NDUFB6: variants seen among roughly 807,000 people sequenced by gnomAD.
NDUFB6 encodes NADH:ubiquinone oxidoreductase subunit B6.
Under a neutral mutation model 17.5 loss-of-function variants are expected in NDUFB6, and 23 were observed. The ratio of observed to expected loss-of-function variants is 1.31; its 90% CI spans 0.94 to 1.86. NDUFB6 has a LOEUF of 1.86. Ranked by LOEUF, NDUFB6 falls within the 40% of genes most tolerant of loss-of-function variation. NDUFB6 has a pLI of 0.00. For synonymous variants in NDUFB6, 60 were observed against 53.5 expected (o/e 1.12, Z -0.53); for missense variants, 167 against 153.8 (o/e 1.09, Z -0.46).
chr9:32,571,065 A>G lies in NDUFB6; in HGVS notation c.181-13T>C. ...ATACCCCATGGACCTGGGGGGAAAA[A>G]CACATACACAAAATAAACATATCCC... On this transcript the variant is annotated splice_polypyrimidine_tract_variant and intron_variant, in intron 1 of 3. Coordinates refer to ENST00000379847, the MANE Select transcript of NDUFB6 (RefSeq NM_002493.5). 6.5e-7 allele frequency: 1 copy of G among 1,539,104 alleles called. No individual in the cohort carries two copies. Among genetic ancestry groups the G allele is most frequent in the South Asian group, 1.2e-5 (1 of 85,426 alleles).
At chr9:32,564,400 T>C (rs539207657) in intron 2 of NDUFB6, among the ~76,000 whole-genome samples, 16 of 152,246 alleles carry the variant, frequency 1.1e-4, no homozygotes, top group African/African-American at 3.9e-4. Flanking sequence ...AAATAGAAGG[T>C]TTTAGCAACC....
At chr9:32,567,361 G>A (rs935646096) in intron 2 of NDUFB6, 1 of 468,166 alleles carries the variant, frequency 2.1e-6, no homozygotes, top group African/African-American at 2.0e-5. Context: ...TTTTCAGATG[G>A]AGTCTCGCTC....
At chr9:32,567,159 G>A (rs1320797122) in intron 2 of NDUFB6, 1 of 476,428 alleles carries the variant, frequency 2.1e-6, no homozygotes, top group East Asian at 6.8e-5. Flanking sequence ...GGGCCCCGCA[G>A]GCAGTGGCAC....
In NDUFB6 at chr9:32,553,188, G is replaced by T; in HGVS notation, c.*688C>A. ...TCAAGTTTCTAAATTCTTCAAAAAT[G>T]ATTCGGAAAGCTTTTTTTTTTTTTG... is the stretch of plus-strand genomic sequence containing the variant. On this transcript the variant is annotated 3_prime_UTR_variant, in exon 4 of 4. Transcript: ENST00000379847. 1.6e-5 allele frequency: 5 copies of T among 306,688 alleles called. No homozygotes were observed. Among genetic ancestry groups the T allele is most frequent in the East Asian group, 6.5e-5 (1 of 15,308 alleles). The allele number at this position is 306,688 out of a possible 1,614,324, so 19.0% of individuals were successfully genotyped here.
chr9:32,568,731 C>CATAT (rs774854110), intron 2 of NDUFB6: 11,366 of 92,734 alleles, frequency 0.12, 1,036 homozygotes, highest in Non-Finnish European at 0.18. Flanking sequence ...TGTGTGTGTG[C>CATAT]ATATATATAT....
At chr9:32,567,432 G>T (rs1033961458) in intron 2 of NDUFB6, 7 of 456,092 alleles carry the variant, frequency 1.5e-5, no homozygotes, top group East Asian at 6.9e-5. Context: ...AGGTTCAAGG[G>T]ATTCTCCTGC....
At chr9:32,570,480 A>T (rs779909800) in intron 2 of NDUFB6, among the ~76,000 whole-genome samples, 3 of 152,302 alleles carry the variant, frequency 2.0e-5, no homozygotes, top group African/African-American at 7.2e-5. Flanking sequence ...AGCCCATGCA[A>T]GATCTGTATC....
At chr9:32,566,375 C>T (rs1181978715) in intron 2 of NDUFB6, 1 of 1,120,230 alleles carries the variant, frequency 8.9e-7, no homozygotes, top group African/African-American at 1.5e-5. Flanking sequence ...GTTTTTGTTT[C>T]CACTATGTGA....
rs540535452 is a variant in NDUFB6, at chr9:32,565,210, T to A, written c.273+5750A>T. Among the ~76,000 whole-genome samples, 6 of 151,646 alleles carry A rather than the reference T, an allele frequency of 4.0e-5. No individual in the cohort carries two copies. In the East Asian group the frequency reaches 1.2e-3, roughly 30 times the overall value. On this transcript the variant is annotated intron_variant, in intron 2 of 3. Transcript: ENST00000379847. ...TGGTAGGCTGAGGCAGGAGAATCAC[T>A]TGAACCCAGGAGGCAGAGGTCGCAG...
In NDUFB6 at chr9:32,569,202, A is replaced by G. The variant is rs114296496; in HGVS notation, c.273+1758T>C. Among the ~76,000 whole-genome samples the G allele has an allele frequency of 3.2e-3, 485 of 152,186 alleles. 2 individuals are homozygous for G. Among genetic ancestry groups the G allele is most frequent in the African/African-American group, 0.011 (462 of 41,534 alleles). On this transcript the variant is annotated intron_variant, in intron 2 of 3. Transcript: ENST00000379847. ...GCTCAAATGATCATTAGCATTTTTT[A>G]GCAATGAAGTTTTTGTTTTTTTCTT...
rs544185072 is a variant in NDUFB6 at position 32,571,145 on chromosome 9, C to T, written c.181-93G>A. The stretch of plus-strand genomic sequence containing the variant: ...CATCAATGATGTAACAATGCCATGA[C>T]TATTTTACAAAACTCTAAATGGCAC... On this transcript the variant is annotated intron_variant, in intron 1 of 3. Coordinates refer to ENST00000379847, the MANE Select transcript of NDUFB6 (RefSeq NM_002493.5). 8.4e-6 allele frequency: 7 copies of T among 829,888 alleles called. No homozygotes were observed. The East Asian group carries it at 1.9e-4, about 23-fold the overall frequency. 51.4% of individuals were successfully genotyped at this position (829,888 alleles called of 1,614,324 possible).
intron 2 of NDUFB6, chr9:32,568,358 G>C (rs1398088630): frequency 8.6e-6 from 2 of 231,232 alleles, no homozygotes; most frequent in Non-Finnish European, 1.8e-5. Context: ...AAGCTTGATA[G>C]ATGAGAAGGT....
chr9:32,556,181 T>G (rs1236330659), intron 3 of NDUFB6, among the ~76,000 whole-genome samples: 1 of 152,250 alleles, frequency 6.6e-6, no homozygotes, highest in Non-Finnish European at 1.5e-5. Context: ...AGCCAAGAGC[T>G]GTTTGGTGAC....
At chr9:32,558,797 T>C in intron 3 of NDUFB6, 113 bp downstream of exon 3, 1 of 718,756 alleles carries the variant, frequency 1.4e-6, no homozygotes, top group Non-Finnish European at 2.2e-6. Flanking sequence ...AACAGGGACT[T>C]AAACCGAAAG....
chr9:32,569,966 A>G (rs1821903334), intron 2 of NDUFB6, among the ~76,000 whole-genome samples: 1 of 152,228 alleles, frequency 6.6e-6, no homozygotes. Flanking sequence ...CTAGAACCAA[A>G]GAATACTTTT....
chr9:32,568,746 A>ATTT (rs1184095044), intron 2 of NDUFB6: 5 of 120,654 alleles, frequency 4.1e-5, no homozygotes, highest in African/African-American at 1.8e-4. Flanking sequence ...ATATATATAT[A>ATTT]TATTTTTTTT....
At chr9:32,562,136 T>G (rs1050703568) in intron 2 of NDUFB6, among the ~76,000 whole-genome samples, 7 of 152,212 alleles carry the variant, frequency 4.6e-5, no homozygotes, top group Non-Finnish European at 1.0e-4. Flanking sequence ...TACGGCCACG[T>G]TCATTACTGA....
Position 32,573,081 on chromosome 9 carries a change from A to C in NDUFB6, c.-21T>G. On this transcript the variant is annotated 5_prime_UTR_variant, in exon 1 of 4. Coordinates refer to ENST00000379847, the MANE Select transcript of NDUFB6 (RefSeq NM_002493.5). ...GTCATGTCGCCGCTGGTACCAACGC[A>C]AAAGGACACGGCGCACCCTCGAACT... 1 of 1,529,866 alleles carries C rather than the reference A, an allele frequency of 6.5e-7. No individual in the cohort carries two copies. The highest frequency in any genetic ancestry group is 8.8e-7 in the Non-Finnish European group (1 of 1,135,862). 94.8% of individuals were successfully genotyped at this position (1,529,866 alleles called of 1,614,324 possible). A position where few individuals can be genotyped will look rare whatever the true frequency, so the allele number is the denominator to read the frequency against.
At chr9:32,564,135 C>T (rs944649427) in intron 2 of NDUFB6, among the ~76,000 whole-genome samples, 8 of 152,200 alleles carry the variant, frequency 5.3e-5, no homozygotes, top group African/African-American at 1.9e-4. Flanking sequence ...TACACACAAA[C>T]ACGCATGCAC....
Sources: allele counts gnomAD v4.1 joint callset (sites outside exome capture counted in the v4.1 genomes callset), GRCh38; gene constraint gnomAD v4.1.1; transcripts MANE v1.5; gene names NCBI Gene and HGNC (gene_info 2026-07-23, HGNC 2026-07-21).